ST8SIA1: variants seen among roughly 807,000 people sequenced by gnomAD.
ST8SIA1 encodes alpha-N-acetylneuraminide alpha-2,8-sialyltransferase.
A neutral mutation model predicts 35.9 loss-of-function variants in ST8SIA1; 16 were observed. The observed-to-expected ratio is 0.45, with a 90% CI of 0.30 to 0.68. ST8SIA1 has a LOEUF of 0.68. ST8SIA1 is among the 30% of genes least tolerant of loss of function. ST8SIA1 has a pLI of 0.09. For synonymous variants in ST8SIA1, 170 were observed against 169.6 expected, an observed-to-expected ratio of 1.00 and a Z score of -0.02; for missense variants, 383 against 453.6, an observed-to-expected ratio of 0.84 and a Z score of 1.41.
chr12:22,201,998 T>G lies in ST8SIA1; in HGVS notation c.625A>C (p.Asn209His), dbSNP rs1376970178. The G allele has an allele frequency of 6.2e-7, 1 of 1,612,076 alleles. No individual in the cohort carries two copies. Among genetic ancestry groups the G allele is most frequent in the Admixed American group, 1.7e-5 (1 of 59,644 alleles). The change falls in exon 5 of 5, where the codon AAC becomes CAC. Residue 209 changes from asparagine (N) to histidine (H), a missense_variant. Coordinates refer to ENST00000396037, the MANE Select transcript of ST8SIA1 (RefSeq NM_003034.4). ...LLWSRKTFVD[N>H]MKIYNHSYIY... ...TAACTGTGGTTATAAATTTTCATGTTGTCCACAAATGTCTTTCTGGACCAC... is the reference window on the plus strand; with the variant it reads ...TAACTGTGGTTATAAATTTTCATGTGGTCCACAAATGTCTTTCTGGACCAC...
chr12:22,294,108 G>A (rs948275291), intron 1 of ST8SIA1, among the ~76,000 whole-genome samples: 1 of 151,962 alleles, frequency 6.6e-6, no homozygotes, highest in Non-Finnish European at 1.5e-5. Context: ...AACAAGAAGT[G>A]GCAGAAGCTG....
At chr12:22,216,249 A>G (rs1032275313) in intron 4 of ST8SIA1, among the ~76,000 whole-genome samples, 14 of 152,118 alleles carry the variant, frequency 9.2e-5, no homozygotes, top group African/African-American at 3.4e-4. Context: ...TGACCATGTC[A>G]CTTCCTGTCA....
intron 1 of ST8SIA1, among the ~76,000 whole-genome samples, chr12:22,319,588 G>A (rs1418428123): frequency 6.6e-6 from 1 of 152,198 alleles, no homozygotes; most frequent in Admixed American, 6.5e-5. Context: ...GCATGAGTTG[G>A]GAGAGCCCCT....
intron 2 of ST8SIA1, among the ~76,000 whole-genome samples, chr12:22,284,240 G>A (rs1340815604): frequency 6.6e-6 from 1 of 152,116 alleles, no homozygotes; most frequent in African/African-American, 2.4e-5. Context: ...GAGTATTTAA[G>A]GGGCAAGTGT....
intron 1 of ST8SIA1, among the ~76,000 whole-genome samples, chr12:22,298,072 T>G (rs1013610966): frequency 6.6e-6 from 1 of 152,198 alleles, no homozygotes; most frequent in Admixed American, 6.5e-5. Context: ...AGCTTCTGTA[T>G]AGCTGAACAC....
intron 4 of ST8SIA1, among the ~76,000 whole-genome samples, chr12:22,226,678 T>C (rs1274250342): frequency 1.3e-5 from 2 of 152,122 alleles, no homozygotes; most frequent in Non-Finnish European, 2.9e-5. Context: ...AATGGAAATA[T>C]TAAGGGGTTT....
At chr12:22,306,565 T>A (rs1056282482) in intron 1 of ST8SIA1, among the ~76,000 whole-genome samples, 2 of 152,234 alleles carry the variant, frequency 1.3e-5, no homozygotes, top group South Asian at 2.1e-4. Flanking sequence ...TCAGTGTTTC[T>A]ATTCAGTAAT....
intron 1 of ST8SIA1, among the ~76,000 whole-genome samples, chr12:22,300,018 A>T (rs1321283359): frequency 1.3e-5 from 2 of 152,176 alleles, no homozygotes; most frequent in Admixed American, 6.6e-5. Context: ...TATCAAAATT[A>T]TTCCTATGCC....
intron 1 of ST8SIA1, among the ~76,000 whole-genome samples, chr12:22,314,409 G>T (rs1407176631): frequency 6.6e-6 from 1 of 152,100 alleles, no homozygotes; most frequent in Non-Finnish European, 1.5e-5. Flanking sequence ...AGTCACCAGA[G>T]CATCTACTGG....
chr12:22,334,238 C>A lies in ST8SIA1; in HGVS notation c.-6G>T, dbSNP rs772892133. On this transcript the variant is annotated 5_prime_UTR_variant, in exon 1 of 5. Coordinates refer to ENST00000396037, the MANE Select transcript of ST8SIA1 (RefSeq NM_003034.4). ...GCCCGCCCGCAGGGGCTCATCGCAG[C>A]CCCGGCGTCCCAGGGGCGGGGGCCG... 5 of 1,608,288 alleles carry A rather than the reference C, an allele frequency of 3.1e-6. No individual in the cohort carries two copies. Among genetic ancestry groups the A allele is most frequent in the Non-Finnish European group, 4.2e-6 (5 of 1,177,634 alleles).
chr12:22,322,819 C>A (rs1565596662), intron 1 of ST8SIA1, among the ~76,000 whole-genome samples: 1 of 152,222 alleles, frequency 6.6e-6, no homozygotes, highest in African/African-American at 2.4e-5. Flanking sequence ...TGGGTATGAT[C>A]TGCTGCAGAT....
At chr12:22,316,587 A>G (rs981340404) in intron 1 of ST8SIA1, among the ~76,000 whole-genome samples, 24 of 152,224 alleles carry the variant, frequency 1.6e-4, no homozygotes, top group African/African-American at 5.8e-4. Flanking sequence ...CTCAAAAGCT[A>G]TAAAAGAAAA....
intron 1 of ST8SIA1, among the ~76,000 whole-genome samples, chr12:22,291,274 T>C (rs1866172756): frequency 2.6e-5 from 4 of 152,220 alleles, no homozygotes. Context: ...AACCTTGTTA[T>C]GACGCTTTCA....
chr12:22,300,588 A>T (rs1198702742), intron 1 of ST8SIA1, among the ~76,000 whole-genome samples: 1 of 152,128 alleles, frequency 6.6e-6, no homozygotes, highest in Non-Finnish European at 1.5e-5. Context: ...AATTTTGAAA[A>T]ACAAGTTTCA....
At chr12:22,331,337 A>G (rs1475256342) in intron 1 of ST8SIA1, among the ~76,000 whole-genome samples, 1 of 152,216 alleles carries the variant, frequency 6.6e-6, no homozygotes, top group Non-Finnish European at 1.5e-5. Flanking sequence ...GGCCTAACAC[A>G]TATCTGATGT....
chr12:22,254,360 A>G (rs1269252645), intron 3 of ST8SIA1, among the ~76,000 whole-genome samples: 1 of 151,966 alleles, frequency 6.6e-6, no homozygotes, highest in Non-Finnish European at 1.5e-5. Context: ...AGGAGCCACA[A>G]CTTACCTCAC....
At chr12:22,254,087 G>T (rs531352510) in intron 3 of ST8SIA1, among the ~76,000 whole-genome samples, 38 of 152,070 alleles carry the variant, frequency 2.5e-4, no homozygotes, top group Non-Finnish European at 4.6e-4. Context: ...TGATGTTGCT[G>T]CAGTCTTCAC....
intron 1 of ST8SIA1, among the ~76,000 whole-genome samples, chr12:22,296,055 T>G (rs578252587): frequency 2.0e-5 from 3 of 152,164 alleles, no homozygotes. Context: ...GTGGTCTGTT[T>G]TGGGGGGCAT....
intron 4 of ST8SIA1, among the ~76,000 whole-genome samples, chr12:22,223,924 G>A (rs1033898838): frequency 6.6e-5 from 10 of 152,016 alleles, no homozygotes; most frequent in African/African-American, 1.9e-4. Flanking sequence ...TTTATACATT[G>A]CTAGATTATT....
Sources: allele counts gnomAD v4.1 joint callset (sites outside exome capture counted in the v4.1 genomes callset), GRCh38; gene constraint gnomAD v4.1.1; transcripts MANE v1.5; gene names NCBI Gene and HGNC (gene_info 2026-07-23, HGNC 2026-07-21).